The following PCP4 variants were observed in gnomAD, a reference collection of about 807,000 sequenced individuals.
PCP4 encodes the protein Purkinje cell protein 4, also known as calmodulin regulator protein PCP4.
In PCP4, 8 loss-of-function variants were observed where a neutral mutation model predicts 10.0. The observed-to-expected ratio is 0.80, with a 90% confidence interval of 0.47 to 1.45. The LOEUF (loss-of-function observed/expected upper bound fraction) is 1.45, where lower values mean the gene tolerates loss of function less well. Ranked by LOEUF, PCP4 falls within the 40% of genes most tolerant of loss-of-function variation. PCP4 has a pLI of 0.00. For missense variants in PCP4, 54 were observed against 74.4 expected (o/e 0.73, Z 1.01); for synonymous variants, 21 against 23.0 (o/e 0.91, Z 0.24).
chr21:39,901,224 A>C (rs2087481022), intron 2 of PCP4, among the ~76,000 whole-genome samples: 1 of 152,206 alleles, frequency 6.6e-6, no homozygotes, highest in Non-Finnish European at 1.5e-5. Flanking sequence ...TCAAACTCTT[A>C]CCTTTTATAA....
At chr21:39,892,154 C>A (rs141122682) in intron 1 of PCP4, among the ~76,000 whole-genome samples, 11 of 152,186 alleles carry the variant, frequency 7.2e-5, no homozygotes, top group South Asian at 2.1e-4. Flanking sequence ...GGCCCCTATG[C>A]GGGCGTGACA....
At chr21:39,883,130 A>G (rs1340921102) in intron 1 of PCP4, among the ~76,000 whole-genome samples, 3 of 436 alleles carry the variant, frequency 6.9e-3, no homozygotes, top group Non-Finnish European at 0.015. Context: ...ATGGACAAGT[A>G]TTTCCTTTGT....
chr21:39,915,732 G>A (rs1057152471), intron 2 of PCP4, among the ~76,000 whole-genome samples: 50 of 152,288 alleles, frequency 3.3e-4, no homozygotes, highest in African/African-American at 1.1e-3. Context: ...TGGGCAAGGG[G>A]TGTCTGTTAA....
chr21:39,917,857 T>G (rs908015625), intron 2 of PCP4, among the ~76,000 whole-genome samples: 9 of 152,020 alleles, frequency 5.9e-5, no homozygotes, highest in Non-Finnish European at 1.3e-4. Context: ...GGAGATAGGG[T>G]CTTTATAGAG....
At chr21:39,920,435 T>C (rs1024979091) in intron 2 of PCP4, among the ~76,000 whole-genome samples, 1 of 150,972 alleles carries the variant, frequency 6.6e-6, no homozygotes, top group African/African-American at 2.4e-5. Flanking sequence ...GACTGTGTGA[T>C]GGGAGTGGAT....
In PCP4 at chr21:39,870,541, C is replaced by T. The variant is rs553953266; in HGVS notation, c.9+3031C>T. Among the ~76,000 whole-genome samples the T allele has an allele frequency of 3.9e-5, 6 of 152,308 alleles. No homozygotes were observed. The East Asian group carries it at 1.2e-3, about 29-fold the overall frequency. The stretch of plus-strand genomic sequence containing the variant: ...AGAAAAATGACTACCTTTGTTCAGC[C>T]ACTTCATAGAGCTTTTGAAAAAAGA... On this transcript the variant is annotated intron_variant, in intron 1 of 2. Transcript: ENST00000328619.
Position 39,929,316 on chromosome 21 carries a change from T to G in PCP4, c.*205T>G. On this transcript the variant is annotated 3_prime_UTR_variant, in exon 3 of 3. Transcript: ENST00000328619. ...ATGGAATTGTGAGTAGCTTAATCTC[T>G]ATGTTTCTCTCCATTTTCATTCCTC... The G allele has an allele frequency of 2.6e-6, 1 of 390,900 alleles. No homozygotes were observed. Among genetic ancestry groups the G allele is most frequent in the Non-Finnish European group, 4.5e-6 (1 of 221,662 alleles). The allele number at this position is 390,900 out of a possible 1,614,324, so 24.2% of individuals were successfully genotyped here. A position where few individuals can be genotyped will look rare whatever the true frequency, so the allele number is the denominator to read the frequency against.
intron 2 of PCP4, among the ~76,000 whole-genome samples, chr21:39,923,819 G>C (rs536598763): frequency 3.0e-4 from 45 of 152,348 alleles, no homozygotes; most frequent in Admixed American, 9.8e-4. Flanking sequence ...CCTGGACACA[G>C]AAGCTCTGCA....
rs58212245 is a variant in PCP4 at position 39,881,414 on chromosome 21, G to A, written c.9+13904G>A. Among the ~76,000 whole-genome samples the A allele has an allele frequency of 5.3e-5, 8 of 152,204 alleles. 1 individual carries two copies. In the South Asian group the frequency reaches 6.2e-4, roughly 12 times the overall value. On this transcript the variant is annotated intron_variant, in intron 1 of 2. Transcript: ENST00000328619. Reference sequence around the variant, plus strand: ...GTGGCATTAGCCTCCATAGGAAAAGGGTTTGCATGGGGGTCTAGGAAGCCA... The same window carrying A: ...GTGGCATTAGCCTCCATAGGAAAAGAGTTTGCATGGGGGTCTAGGAAGCCA...
At chr21:39,927,835 C>T (rs1392505205) in intron 2 of PCP4, among the ~76,000 whole-genome samples, 1 of 151,894 alleles carries the variant, frequency 6.6e-6, no homozygotes, top group Admixed American at 6.6e-5. Context: ...GTGTAGATGT[C>T]TGGCCTCCCC....
At position 39,878,117 on chromosome 21, in the gene PCP4, G is replaced by C. The variant is rs77034428; in HGVS notation, c.9+10607G>C. On this transcript the variant is annotated intron_variant, in intron 1 of 2. Coordinates refer to ENST00000328619, the MANE Select transcript of PCP4 (RefSeq NM_006198.3). ...GTGGTCCTTACCCCTTAAAGAACTT[G>C]TAGGGGGAGACAGAATCACATAAAA... Among the ~76,000 whole-genome samples, 509 of 152,260 alleles carry C rather than the reference G, an allele frequency of 3.3e-3. 6 individuals are homozygous for C. Among genetic ancestry groups the C allele is most frequent in the African/African-American group, 0.011 (468 of 41,548 alleles).
intron 2 of PCP4, among the ~76,000 whole-genome samples, chr21:39,928,346 C>G (rs1250362383): frequency 6.6e-6 from 1 of 152,224 alleles, no homozygotes; most frequent in African/African-American, 2.4e-5. Flanking sequence ...TCACCACCCC[C>G]CACTTTGTGT....
chr21:39,901,479 C>T (rs1296400971), intron 2 of PCP4, among the ~76,000 whole-genome samples: 2 of 152,182 alleles, frequency 1.3e-5, no homozygotes, highest in African/African-American at 2.4e-5. Flanking sequence ...ACCATGCTGA[C>T]ATGCTCAGTG....
At chr21:39,869,716 T>G (rs1198554690) in intron 1 of PCP4, among the ~76,000 whole-genome samples, 1 of 152,252 alleles carries the variant, frequency 6.6e-6, no homozygotes, top group Non-Finnish European at 1.5e-5. Flanking sequence ...AAATCTTTAG[T>G]AAAGTGCAAC....
At chr21:39,889,334 C>G (rs763715655) in intron 1 of PCP4, among the ~76,000 whole-genome samples, 1 of 152,048 alleles carries the variant, frequency 6.6e-6, no homozygotes, top group Non-Finnish European at 1.5e-5. Context: ...ATTCCCTAAC[C>G]CTTAGGGGTC....
intron 2 of PCP4, among the ~76,000 whole-genome samples, chr21:39,909,903 C>T (rs540622660): frequency 2.0e-5 from 3 of 151,596 alleles, no homozygotes; most frequent in African/African-American, 7.3e-5. Context: ...TCAAGCGATT[C>T]TCCTGCCTCA....
chr21:39,878,119 A>AG (rs1301207303), intron 1 of PCP4, among the ~76,000 whole-genome samples: 4 of 152,154 alleles, frequency 2.6e-5, no homozygotes, highest in Non-Finnish European at 5.9e-5. Context: ...AAGAACTTGT[A>AG]GGGGGAGACA....
intron 2 of PCP4, among the ~76,000 whole-genome samples, chr21:39,915,089 C>A (rs2146346653): frequency 6.6e-6 from 1 of 152,226 alleles, no homozygotes; most frequent in East Asian, 1.9e-4. Context: ...ACTTGAAAAA[C>A]TACACAGTTT....
At chr21:39,884,656 G>A (rs1250308059) in intron 1 of PCP4, among the ~76,000 whole-genome samples, 2 of 151,992 alleles carry the variant, frequency 1.3e-5, no homozygotes, top group African/African-American at 2.4e-5. Flanking sequence ...AGTTAGCCAG[G>A]CGTGGTGGCA....
Sources: gnomAD v4.1 joint callset for allele counts (sites outside exome capture counted in the v4.1 genomes callset) on GRCh38, gnomAD v4.1.1 for gene constraint, MANE v1.5 for transcripts, NCBI Gene and HGNC (gene_info 2026-07-23, HGNC 2026-07-21) for gene names.